Variants in MEGF9 observed in about 807,000 individuals in gnomAD.
MEGF9 encodes multiple EGF like domains 9.
A neutral mutation model predicts 46.8 loss-of-function variants in MEGF9; 6 were observed. The ratio of observed to expected loss-of-function variants is 0.13; its 90% CI spans 0.07 to 0.25. The LOEUF (loss-of-function observed/expected upper bound fraction) is 0.25, where lower values mean the gene tolerates loss of function less well. Ranked by LOEUF, MEGF9 falls within the 10% of genes least tolerant of loss-of-function variation. MEGF9 has a pLI of 1.00. For missense variants in MEGF9, 683 were observed against 792.4 expected, an observed-to-expected ratio of 0.86 and a Z score of 1.66; for synonymous variants, 302 against 330.7, an observed-to-expected ratio of 0.91 and a Z score of 0.94.
At chr9:120,672,473 A>AAATAAATAAAT (rs1564425061) in intron 1 of MEGF9, among the ~76,000 whole-genome samples, 81 of 142,070 alleles carry the variant, frequency 5.7e-4, no homozygotes, top group African/African-American at 2.3e-3. Context: ...AATAAATAAA[A>AAATAAATAAAT]AGCCAGGAAT....
intron 3 of MEGF9, among the ~76,000 whole-genome samples, chr9:120,615,809 G>A (rs1379616935): frequency 1.3e-5 from 2 of 151,984 alleles, no homozygotes; most frequent in Non-Finnish European, 1.5e-5. Context: ...TGGGAGGATC[G>A]CTTGAGTCTG....
chr9:120,624,828 A>C (rs2043516952), intron 2 of MEGF9, among the ~76,000 whole-genome samples: 1 of 150,322 alleles, frequency 6.7e-6, no homozygotes, highest in African/African-American at 2.5e-5. Context: ...AGCCAAGATC[A>C]TATCACTGCA....
At chr9:120,692,081 G>GA (rs1196524376) in intron 1 of MEGF9, among the ~76,000 whole-genome samples, 2 of 152,096 alleles carry the variant, frequency 1.3e-5, no homozygotes, top group African/African-American at 4.8e-5. Context: ...GTACATTAAG[G>GA]AATCTAATAC....
rs559500440 is a variant in MEGF9, at chr9:120,634,192, T to G, written c.804-11437A>C. 2.0e-5 allele frequency among the ~76,000 whole-genome samples: 3 copies of G among 152,284 alleles called. No homozygotes were observed. The South Asian group carries it at 6.2e-4, about 32-fold the overall frequency. ...CAATGTTGAGACGTTAGATATTGGG[T>G]GTTGAAATCTGCAACTATTATTGTA... On this transcript the variant is annotated intron_variant, in intron 2 of 5. Coordinates refer to ENST00000373930, the MANE Select transcript of MEGF9 (RefSeq NM_001080497.3).
intron 1 of MEGF9, among the ~76,000 whole-genome samples, chr9:120,701,823 T>C (rs193038147): frequency 0.015 from 2,288 of 152,224 alleles, 56 homozygotes; most frequent in African/African-American, 0.052. Context: ...GGCGGGCGGA[T>C]CACGAGGTCA....
chr9:120,673,869 C>T (rs2043760979), intron 1 of MEGF9, among the ~76,000 whole-genome samples: 4 of 150,620 alleles, frequency 2.7e-5, no homozygotes, highest in South Asian at 2.1e-4. Context: ...ACTGGGGAGG[C>T]TGAGACGGGA....
At chr9:120,691,350 T>C in intron 1 of MEGF9, 1 of 402,474 alleles carries the variant, frequency 2.5e-6, no homozygotes, top group Admixed American at 3.4e-5. Flanking sequence ...AACCCTACTC[T>C]GTTAATTTTG....
Position 120,714,243 on chromosome 9 carries a change from C to A in MEGF9, c.116G>T (p.Gly39Val). Residue 39 changes from glycine to valine, a missense_variant, in exon 1 of 6, where the codon GGG becomes GTG. Physicochemically the swap from Gly to Val is moderately radical, Grantham distance 109. Around this residue, in one of 2 missense-constraint regions of MEGF9, gnomAD observed 370 missense variants for 371.3 expected, o/e 1.00. Transcript: ENST00000373930. Reference protein sequence around the residue: ...AAAVASAASAGNVTGGGGAAG... With the variant: ...AAAVASAASAVNVTGGGGAAG... ...GGCCCCGCCGCCACCGGTGACATTC[C>A]CCGCCGAGGCGGCTGAGGCGACGGC... The A allele has an allele frequency of 1.6e-6, 2 of 1,231,112 alleles. No individual in the cohort carries two copies. Among genetic ancestry groups the A allele is most frequent in the Non-Finnish European group, 2.0e-6 (2 of 992,202 alleles). The allele number at this position is 1,231,112 out of a possible 1,614,324, so 76.3% of individuals were successfully genotyped here.
chr9:120,642,085 A>G (rs1333589394), intron 2 of MEGF9, among the ~76,000 whole-genome samples: 1 of 152,156 alleles, frequency 6.6e-6, no homozygotes, highest in Non-Finnish European at 1.5e-5. Context: ...ACTTAAACCC[A>G]AGCAAGTCAG....
At chr9:120,684,750 A>T (rs1255414703) in intron 1 of MEGF9, among the ~76,000 whole-genome samples, 3 of 152,176 alleles carry the variant, frequency 2.0e-5, no homozygotes, top group East Asian at 3.9e-4. Flanking sequence ...GCCAACACAT[A>T]TACGCCATGT....
At chr9:120,659,822 T>TGTGTGTG (rs1270190557) in intron 1 of MEGF9, among the ~76,000 whole-genome samples, 1 of 147,884 alleles carries the variant, frequency 6.8e-6, no homozygotes, top group Non-Finnish European at 1.5e-5. Flanking sequence ...TGTGTGTGTA[T>TGTGTGTG]TATTAGTTTT....
chr9:120,643,179 C>T (rs2043610650), intron 2 of MEGF9, among the ~76,000 whole-genome samples: 1 of 151,642 alleles, frequency 6.6e-6, no homozygotes, highest in South Asian at 2.1e-4. Context: ...AAAAGCTGAA[C>T]AGTCCCATAT....
chr9:120,677,361 G>A (rs373384160), intron 1 of MEGF9, among the ~76,000 whole-genome samples: 41 of 152,062 alleles, frequency 2.7e-4, no homozygotes, highest in African/African-American at 9.6e-4. Flanking sequence ...TTTCAAACTC[G>A]TGCTCAAGCA....
At chr9:120,641,316 A>G (rs1202679362) in intron 2 of MEGF9, among the ~76,000 whole-genome samples, 1 of 152,232 alleles carries the variant, frequency 6.6e-6, no homozygotes, top group Non-Finnish European at 1.5e-5. Flanking sequence ...TGTTCATTAA[A>G]GTAAGATAAA....
intron 2 of MEGF9, among the ~76,000 whole-genome samples, chr9:120,651,318 C>G (rs2043648336): frequency 6.6e-6 from 1 of 152,180 alleles, no homozygotes. Flanking sequence ...GAATTTCTTA[C>G]AATACTCACT....
chr9:120,690,296 G>C (rs1275301629), intron 1 of MEGF9, among the ~76,000 whole-genome samples: 26 of 152,060 alleles, frequency 1.7e-4, no homozygotes, highest in Admixed American at 1.6e-3. Context: ...AACCAAACCT[G>C]ACATATTAAA....
intron 1 of MEGF9, among the ~76,000 whole-genome samples, chr9:120,697,901 C>T (rs1436666503): frequency 6.6e-6 from 1 of 152,140 alleles, no homozygotes; most frequent in Non-Finnish European, 1.5e-5. Flanking sequence ...AAAATGTGCT[C>T]TGTAACTACT....
chr9:120,656,863 G>A (rs990111698), intron 2 of MEGF9, among the ~76,000 whole-genome samples: 4 of 152,046 alleles, frequency 2.6e-5, no homozygotes, highest in Admixed American at 6.6e-5. Context: ...CAGGAGGATC[G>A]CTTGAGCCCA....
chr9:120,699,028 T>C (rs2043891145), intron 1 of MEGF9, among the ~76,000 whole-genome samples: 1 of 152,194 alleles, frequency 6.6e-6, no homozygotes, highest in East Asian at 1.9e-4. Flanking sequence ...AGACAAATCA[T>C]GTTTGTGCTG....
Sources: gnomAD v4.1 joint callset for allele counts (sites outside exome capture counted in the v4.1 genomes callset) on GRCh38, gnomAD v4.1.1 for gene constraint, gnomAD v4.1.1 regional missense constraint, MANE v1.5 for transcripts, NCBI Gene and HGNC (gene_info 2026-07-23, HGNC 2026-07-21) for gene names.